NECTIN2: variants seen among roughly 807,000 people sequenced by gnomAD.
The protein encoded by NECTIN2 is nectin-2.
In NECTIN2, 23 loss-of-function variants were observed where a neutral mutation model predicts 56.9. That is an observed-to-expected ratio of 0.40 (90% CI 0.29 to 0.57). NECTIN2 has a LOEUF of 0.57. NECTIN2 is among the 20% of genes least tolerant of loss of function. The pLI is 0.38. For synonymous variants in NECTIN2, 302 were observed against 313.8 expected, an observed-to-expected ratio of 0.96 and a Z score of 0.40; for missense variants, 587 against 718.3, an observed-to-expected ratio of 0.82 and a Z score of 2.09.
intron 5 of NECTIN2, chr19:44,878,894 G>A: frequency 7.8e-7 from 1 of 1,278,448 alleles, no homozygotes; most frequent in East Asian, 3.1e-5. Flanking sequence ...GCCTTCCCCT[G>A]GCCCCGTGAC....
intron 5 of NECTIN2, chr19:44,878,328 T>C (rs1969265379): frequency 1.3e-6 from 2 of 1,538,288 alleles, no homozygotes; most frequent in Admixed American, 3.9e-5. Flanking sequence ...TTGGCCTTCA[T>C]CCTGCTGAGG....
rs1015729994 is a variant in NECTIN2, at chr19:44,875,590, G to A, written c.1042+1112G>A. Among the ~76,000 whole-genome samples the A allele has an allele frequency of 1.3e-5, 2 of 152,148 alleles. No homozygotes were observed. Among genetic ancestry groups the A allele is most frequent in the East Asian group, 1.9e-4 (1 of 5,188 alleles). On this transcript the variant is annotated intron_variant, in intron 5 of 8. Coordinates refer to ENST00000252483, the MANE Select transcript of NECTIN2 (RefSeq NM_001042724.2). The surrounding 1 kb of genome is among the most constrained non-coding windows in gnomAD (Gnocchi z 4.2). Reference sequence around the variant, plus strand: ...CAGAAAAAGACATTCTTAGAAACACGCCAGGGCGACGGTCCATGCAGCACA... The same window carrying A: ...CAGAAAAAGACATTCTTAGAAACACACCAGGGCGACGGTCCATGCAGCACA...
intron 5 of NECTIN2, chr19:44,878,503 G>A: frequency 6.2e-7 from 1 of 1,614,080 alleles, no homozygotes. Context: ...AGGAGGAGGA[G>A]GAGGAGGAAG....
chr19:44,854,896 C>A (rs546804537), intron 1 of NECTIN2, among the ~76,000 whole-genome samples: 1 of 151,774 alleles, frequency 6.6e-6, no homozygotes, highest in Non-Finnish European at 1.5e-5. Context: ...GAGTCCCAGG[C>A]GGGCGGATCA....
intron 1 of NECTIN2, among the ~76,000 whole-genome samples, chr19:44,854,215 C>G (rs922922578): frequency 3.9e-5 from 6 of 151,942 alleles, no homozygotes; most frequent in African/African-American, 1.4e-4. Context: ...AAGCGACTCT[C>G]CCTAAAGTAG....
intron 6 of NECTIN2, among the ~76,000 whole-genome samples, 166 bp from the exon 7 acceptor site, chr19:44,885,771 C>CG (rs1287235580): frequency 6.6e-6 from 1 of 152,084 alleles, no homozygotes; most frequent in Non-Finnish European, 1.5e-5. Flanking sequence ...TGAAGGCTTC[C>CG]GGGAAAAAGA....
chr19:44,846,519 G>C lies in NECTIN2; in HGVS notation c.-7G>C, dbSNP rs1488826687. 1.3e-6 allele frequency: 2 copies of C among 1,506,976 alleles called. No individual in the cohort carries two copies. Among genetic ancestry groups the C allele is most frequent in the South Asian group, 1.2e-5 (1 of 81,436 alleles). 93.4% of individuals were successfully genotyped at this position (1,506,976 alleles called of 1,614,324 possible). ...CCGGCCGGGCCCAGTCCCCTCCCGG[G>C]CCCTCCATGGCCCGGGCCGCTGCCC... On this transcript the variant is annotated 5_prime_UTR_variant, in exon 1 of 9. Coordinates refer to ENST00000252483, the MANE Select transcript of NECTIN2 (RefSeq NM_001042724.2).
Position 44,863,675 on chromosome 19 carries a change from T to C in NECTIN2, c.89-1596T>C, listed in dbSNP as rs367895886. 5.3e-5 allele frequency among the ~76,000 whole-genome samples: 8 copies of C among 151,810 alleles called. No homozygotes were observed. In the East Asian group the frequency reaches 9.7e-4, roughly 18 times the overall value. On this transcript the variant is annotated intron_variant, in intron 1 of 8. Coordinates refer to ENST00000252483, the MANE Select transcript of NECTIN2 (RefSeq NM_001042724.2). ...GCCTGGCCAACGTGGTGAAAGCCCA[T>C]CTCTACTAAAAATACAAAAATTAGC...
At chr19:44,888,036 G>A (rs762361988) in intron 8 of NECTIN2, 74 bp from the exon 9 acceptor site, 277 of 1,510,186 alleles carry the variant, frequency 1.8e-4, no homozygotes, top group Non-Finnish European at 2.3e-4. Flanking sequence ...AGGATTTTGG[G>A]GTCAAGAGCA....
chr19:44,846,365 G>C lies in NECTIN2; in HGVS notation c.-161G>C. 1.1e-6 allele frequency: 1 copy of C among 909,384 alleles called. No homozygotes were observed. The highest frequency in any genetic ancestry group is 1.5e-6 in the Non-Finnish European group (1 of 664,362). 56.3% of individuals were successfully genotyped at this position (909,384 alleles called of 1,614,324 possible). ...GGGGGTGCCGAGCCGGGCGGGGAGA[G>C]CTGGGCCGGGAGAGCAGAACAGGGA... is the stretch of plus-strand genomic sequence containing the variant. On this transcript the variant is annotated 5_prime_UTR_variant, in exon 1 of 9. Transcript: ENST00000252483.
intron 1 of NECTIN2, among the ~76,000 whole-genome samples, chr19:44,854,848 G>A (rs997702813): frequency 2.0e-5 from 3 of 150,920 alleles, no homozygotes; most frequent in African/African-American, 4.9e-5. Context: ...CTGAGTTGCC[G>A]GGCGCGGTGG....
rs2122614767 is a variant in NECTIN2, at chr19:44,846,579, G to C, written c.54G>C (p.Leu18=). 1.3e-6 allele frequency: 2 copies of C among 1,525,474 alleles called. No individual in the cohort carries two copies. Among genetic ancestry groups the C allele is most frequent in the African/African-American group, 1.4e-5 (1 of 71,320 alleles). The allele number at this position is 1,525,474 out of a possible 1,614,324, so 94.5% of individuals were successfully genotyped here. ...CGAGATCGCCGCCGACGCCGCTGCT[G>C]TGGCCGCTGCTGCTGCTGCTGCTCC... is the stretch of plus-strand genomic sequence containing the variant. ...LPSRSPPTPL[L]WPLLLLLLLE... is the part of the protein sequence containing the mutation. The change falls in exon 1 of 9, where the codon CTG becomes CTC. Residue 18 remains leucine (L), a synonymous_variant. Transcript: ENST00000252483.
Position 44,865,675 on chromosome 19 carries a change from G to A in NECTIN2, c.478+15G>A, listed in dbSNP as rs1969092664. 8 of 1,499,702 alleles carry A rather than the reference G, an allele frequency of 5.3e-6. No homozygotes were observed. Among genetic ancestry groups the A allele is most frequent in the South Asian group, 1.3e-5 (1 of 79,404 alleles). The allele number at this position is 1,499,702 out of a possible 1,614,324, so 92.9% of individuals were successfully genotyped here. ...CAGAGTCATAGGTGAGCAGGGTAAG[G>A]GCGGGAGGCAAGGAGGTGGGAGGGC... is the stretch of plus-strand genomic sequence containing the variant. On this transcript the variant is annotated intron_variant, in intron 2 of 8. Transcript: ENST00000252483. The surrounding 1 kb of genome is among the most constrained non-coding windows in gnomAD (Gnocchi z 5.2).
intron 5 of NECTIN2, among the ~76,000 whole-genome samples, chr19:44,876,080 C>T (rs1370315295): frequency 1.3e-5 from 2 of 152,154 alleles, no homozygotes; most frequent in African/African-American, 2.4e-5. Context: ...CCCAGGAACC[C>T]TCCCGAAACT....
At chr19:44,878,491 T>TGAGGAG (rs558397688) in intron 5 of NECTIN2, 13 of 1,611,048 alleles carry the variant, frequency 8.1e-6, no homozygotes, top group Non-Finnish European at 1.1e-5. Flanking sequence ...ATGGCAAGGA[T>TGAGGAG]GAGGAGGAGG....
At chr19:44,886,625 G>A (rs573567256) in intron 8 of NECTIN2, among the ~76,000 whole-genome samples, 1 of 152,298 alleles carries the variant, frequency 6.6e-6, no homozygotes, top group East Asian at 1.9e-4. Context: ...GGGGCGCTGA[G>A]GAGGAAGAAT....
intron 1 of NECTIN2, 64 bp downstream of exon 1, chr19:44,846,677 G>A: frequency 8.7e-6 from 13 of 1,486,894 alleles, no homozygotes; most frequent in East Asian, 2.8e-5. Context: ...TTCCGAGCTG[G>A]GGAAGCCGAG....
In NECTIN2 at chr19:44,888,109, G is replaced by A; in HGVS notation, c.1348-1G>A. 6.2e-7 allele frequency: 1 copy of A among 1,610,452 alleles called. No individual in the cohort carries two copies. The highest frequency in any genetic ancestry group is 8.5e-7 in the Non-Finnish European group (1 of 1,177,102). ...AGTTCCTGTCCTCTCTCTACCTCCAGGAAATGCCTCGATACCATGAGCTGC... is the reference window on the plus strand; with the variant it reads ...AGTTCCTGTCCTCTCTCTACCTCCAAGAAATGCCTCGATACCATGAGCTGC... On this transcript the variant is annotated splice_acceptor_variant, in intron 8 of 8. Coordinates refer to ENST00000252483, the MANE Select transcript of NECTIN2 (RefSeq NM_001042724.2). LOFTEE classifies it high-confidence loss of function.
Position 44,865,407 on chromosome 19 carries a change from A to C in NECTIN2, c.225A>C (p.Ala75=). ...TGGTGACCTGGCAGCGCCCAGATGC[A>C]CCTGCGAACCACCAGAATGTGGCCG... The part of the protein sequence containing the change: ...ISLVTWQRPD[A]PANHQNVAAF... The change falls in exon 2 of 9, where the codon GCA becomes GCC. Residue 75 remains alanine (A), a synonymous_variant. Transcript: ENST00000252483. The surrounding 1 kb of genome is among the most constrained non-coding windows in gnomAD (Gnocchi z 5.2). 1 of 1,614,134 alleles carries C rather than the reference A, an allele frequency of 6.2e-7. No homozygotes were observed. Among genetic ancestry groups the C allele is most frequent in the Non-Finnish European group, 8.5e-7 (1 of 1,180,028 alleles).
Sources: gnomAD v4.1 joint callset for allele counts (sites outside exome capture counted in the v4.1 genomes callset) on GRCh38, gnomAD v4.1.1 for gene constraint, Gnocchi (gnomAD v3.1) non-coding constraint, MANE v1.5 for transcripts, NCBI Gene and HGNC (gene_info 2026-07-23, HGNC 2026-07-21) for gene names.